NPLOC4: variants seen among roughly 807,000 people sequenced by gnomAD.
The protein encoded by NPLOC4 is NPL4 homolog, ubiquitin recognition factor.
A neutral mutation model predicts 80.6 loss-of-function variants in NPLOC4; 18 were observed. The observed-to-expected ratio is 0.22, with a 90% CI of 0.15 to 0.33. The LOEUF is 0.33. Ranked by LOEUF, NPLOC4 falls within the 10% of genes least tolerant of loss-of-function variation. The pLI is 1.00. For missense variants in NPLOC4, 540 were observed against 786.1 expected (o/e 0.69, Z 3.74); for synonymous variants, 313 against 301.5 (o/e 1.04, Z -0.39).
At chr17:81,619,160 G>A (rs1302388810) in intron 3 of NPLOC4, among the ~76,000 whole-genome samples, 1 of 149,772 alleles carries the variant, frequency 6.7e-6, no homozygotes, top group Admixed American at 6.7e-5. Context: ...CTATGACCCT[G>A]CCAAATCCCC....
At chr17:81,610,343 T>C in intron 4 of NPLOC4, 85 bp from the exon 5 acceptor site, 1 of 1,226,094 alleles carries the variant, frequency 8.2e-7, no homozygotes. Context: ...CGTCCTACTT[T>C]AACAGAGTGT....
At chr17:81,563,063 C>T (rs972144485) in intron 16 of NPLOC4, 1 of 152,078 alleles carries the variant, frequency 6.6e-6, no homozygotes, top group Non-Finnish European at 1.5e-5. Flanking sequence ...GCCTGGGCAA[C>T]ATGGCAAGAC....
At chr17:81,597,346 T>A in intron 9 of NPLOC4, 30 bp from the exon 10 acceptor site, 5 of 1,566,440 alleles carry the variant, frequency 3.2e-6, no homozygotes, top group Non-Finnish European at 3.5e-6. Context: ...CTTTTAAACA[T>A]CTCCTCAAGA....
At chr17:81,613,917 A>G (rs572779873) in intron 3 of NPLOC4, among the ~76,000 whole-genome samples, 1 of 150,938 alleles carries the variant, frequency 6.6e-6, no homozygotes, top group South Asian at 2.1e-4. Context: ...ATGTATCTCC[A>G]CTGCTTTCTC....
chr17:81,562,596 T>C (rs1014989200), intron 16 of NPLOC4: 2 of 151,926 alleles, frequency 1.3e-5, no homozygotes, highest in African/African-American at 2.4e-5. Context: ...TCATCAGAGA[T>C]GCAAATTAAA....
At chr17:81,562,199 T>C (rs2033871967) in intron 16 of NPLOC4, 1 of 152,178 alleles carries the variant, frequency 6.6e-6, no homozygotes, top group Non-Finnish European at 1.5e-5. Context: ...GAGATTGCAC[T>C]GCAGCCTGGG....
chr17:81,625,720 G>T (rs1211380462), intron 2 of NPLOC4, among the ~76,000 whole-genome samples: 1 of 151,362 alleles, frequency 6.6e-6, no homozygotes, highest in African/African-American at 2.4e-5. Flanking sequence ...GACAGAGTGA[G>T]AATCCAACCA....
chr17:81,565,524 G>A lies in NPLOC4; in HGVS notation c.1650C>T (p.Ala550=). 6.4e-7 allele frequency: 1 copy of A among 1,552,360 alleles called. No individual in the cohort carries two copies. Among genetic ancestry groups the A allele is most frequent in the Non-Finnish European group, 8.7e-7 (1 of 1,149,050 alleles). ...AQTWKRSEQW[A]TIEQLCSTVG... ...ACTCACTGCACAGCTGCTCGATGGT[G>A]GCCCACTGCTCAGACCTCTTCCATG... The change falls in exon 16 of 17, where the codon GCC becomes GCT. Residue 550 remains alanine (A), a synonymous_variant. Transcript: ENST00000331134.
intron 3 of NPLOC4, chr17:81,614,189 ATCAC>A: frequency 1.3e-5 from 2 of 149,502 alleles, no homozygotes; most frequent in African/African-American, 5.0e-5. Context: ...AGGCAGGAGA[ATCAC>A]TTGAACCCAG....
rs1367828911 is a variant in NPLOC4, at chr17:81,605,662, A to AT, written c.655-936dup. Among the ~76,000 whole-genome samples the AT allele has an allele frequency of 2.2e-4, 34 of 151,322 alleles. No homozygotes were observed. In the East Asian group the frequency reaches 2.4e-3, roughly 10 times the overall value. ...GACTCTGTCTCAAAAAAAAAAAAAA[A>AT]TGCTCTGCCCTTTAGACCACTTCAG... On this transcript the variant is annotated intron_variant, in intron 7 of 16. Coordinates refer to ENST00000331134, the MANE Select transcript of NPLOC4 (RefSeq NM_017921.4).
At chr17:81,623,149 G>A (rs528548607) in intron 2 of NPLOC4, among the ~76,000 whole-genome samples, 4 of 151,428 alleles carry the variant, frequency 2.6e-5, no homozygotes, top group Admixed American at 1.3e-4. Flanking sequence ...AGCCGAGATC[G>A]TGCTATTCCA....
In NPLOC4 at chr17:81,567,441, G is replaced by T. The variant is rs2034042363; in HGVS notation, c.1542C>A (p.Val514=). ...ISDFHLLLFL[V]TNEVMPLQDS... is the part of the protein sequence containing the mutation. ...CCTGCAGAGGCATAACTTCATTGGT[G>T]ACCAGGAACAGCAAGAGGTGGAAAT... The change falls in exon 15 of 17, where the codon GTC becomes GTA. Residue 514 remains valine (V), a synonymous_variant. Coordinates refer to ENST00000331134, the MANE Select transcript of NPLOC4 (RefSeq NM_017921.4). The surrounding 1 kb of genome is among the most constrained non-coding windows in gnomAD (Gnocchi z 4.5). The T allele has an allele frequency of 1.2e-6, 2 of 1,612,348 alleles. No homozygotes were observed. The highest frequency in any genetic ancestry group is 2.2e-5 in the South Asian group (2 of 90,866).
intron 11 of NPLOC4, among the ~76,000 whole-genome samples, chr17:81,594,820 C>T (rs1219364779): frequency 2.0e-5 from 3 of 151,970 alleles, no homozygotes; most frequent in African/African-American, 4.8e-5. Flanking sequence ...GTGGCGCACG[C>T]GTGTAGTCCC....
intron 2 of NPLOC4, among the ~76,000 whole-genome samples, chr17:81,624,216 C>T (rs776852124): frequency 2.0e-5 from 3 of 152,030 alleles, no homozygotes; most frequent in East Asian, 1.9e-4. Flanking sequence ...GTCAGGAGAT[C>T]GAGGCCAGCC....
intron 16 of NPLOC4, chr17:81,564,798 A>AC (rs2033959081): frequency 6.6e-6 from 1 of 152,602 alleles, no homozygotes; most frequent in South Asian, 2.0e-4. Flanking sequence ...CAAAAAAAAA[A>AC]AAAAAAACAG....
intron 2 of NPLOC4, among the ~76,000 whole-genome samples, chr17:81,624,564 C>T (rs540550977): frequency 6.6e-6 from 1 of 152,182 alleles, no homozygotes; most frequent in South Asian, 2.1e-4. Flanking sequence ...CGCCATTACA[C>T]TCTAGCCTGG....
rs71367066 is a variant in NPLOC4, at chr17:81,581,375, A to AGAC, written c.1281+7568_1281+7569insGTC. Reference sequence around the variant, plus strand: ...AAAAAAAAAAAAAAAAAAAAAAAAAAAGTTAATAAAATCACCATGTCACAA... The same window carrying AGAC: ...AAAAAAAAAAAAAAAAAAAAAAAAAAGACAGTTAATAAAATCACCATGTCACAA... On this transcript the variant is annotated intron_variant, in intron 12 of 16. Coordinates refer to ENST00000331134, the MANE Select transcript of NPLOC4 (RefSeq NM_017921.4). 1.8e-3 allele frequency among the ~76,000 whole-genome samples: 128 copies of AGAC among 72,840 alleles called. 45 individuals carry two copies. Among genetic ancestry groups the AGAC allele is most frequent in the Non-Finnish European group, 2.9e-3 (102 of 34,976 alleles). The allele number at this position is 72,840 out of a possible 152,430, so 47.8% of individuals were successfully genotyped here. A position where few individuals can be genotyped will look rare whatever the true frequency, so the allele number is the denominator to read the frequency against.
intron 3 of NPLOC4, among the ~76,000 whole-genome samples, chr17:81,620,274 G>A (rs1363884400): frequency 6.6e-6 from 1 of 152,132 alleles, no homozygotes; most frequent in Non-Finnish European, 1.5e-5. Context: ...AAGGCGGGTG[G>A]ATCACGAGGT....
intron 1 of NPLOC4, among the ~76,000 whole-genome samples, chr17:81,631,460 T>C (rs56232837): frequency 0.027 from 920 of 34,074 alleles, 27 homozygotes; most frequent in African/African-American, 0.1. Context: ...TTTTTTTTTT[T>C]TTCCCCCACG....
Sources: gnomAD v4.1 joint callset for allele counts (sites outside exome capture counted in the v4.1 genomes callset) on GRCh38, gnomAD v4.1.1 for gene constraint, Gnocchi (gnomAD v3.1) non-coding constraint, MANE v1.5 for transcripts, NCBI Gene and HGNC (gene_info 2026-07-23, HGNC 2026-07-21) for gene names.